ITIH5: variants seen among roughly 807,000 people sequenced by gnomAD.
The protein encoded by ITIH5 is inter-alpha-trypsin inhibitor heavy chain 5, also known as inter-alpha-trypsin inhibitor heavy chain H5.
A neutral mutation model predicts 77.5 loss-of-function variants in ITIH5; 65 were observed. That is an observed-to-expected ratio of 0.84 (90% confidence interval 0.69 to 1.03). The LOEUF (loss-of-function observed/expected upper bound fraction) is 1.03. Ranked by LOEUF, ITIH5 falls within the 50% of genes least tolerant of loss-of-function variation. The pLI is 0.00. For missense variants in ITIH5, 1,208 were observed against 1,213.1 expected, an observed-to-expected ratio of 1.00 and a Z score of 0.06; for synonymous variants, 525 against 494.3, an observed-to-expected ratio of 1.06 and a Z score of -0.82.
chr10:7,615,933 C>A, intron 7 of ITIH5, 49 bp downstream of exon 7: 1 of 1,158,274 alleles, frequency 8.6e-7, no homozygotes, highest in Non-Finnish European at 1.3e-6. Flanking sequence ...AAGTCATTGT[C>A]CCAGGCAAAA....
chr10:7,594,669 AAG>A lies in ITIH5; in HGVS notation c.940-8602_940-8601del, dbSNP rs758865954. 3.3e-5 allele frequency among the ~76,000 whole-genome samples: 5 copies of A among 152,332 alleles called. No individual in the cohort carries two copies. The East Asian group carries it at 9.7e-4, about 29-fold the overall frequency. ...CACTCTTGCTCTTTGGGGCCATAAGAAGAGTTTTCAACTCATTGTCTTTATAC... is the reference window on the plus strand; with the variant it reads ...CACTCTTGCTCTTTGGGGCCATAAGAAGTTTTCAACTCATTGTCTTTATAC... On this transcript the variant is annotated intron_variant, in intron 7 of 13. Coordinates refer to ENST00000397146, the MANE Select transcript of ITIH5 (RefSeq NM_030569.7).
rs1315882856 is a variant in ITIH5 at position 7,641,960 on chromosome 10, A to C, written c.266T>G (p.Ile89Ser). The C allele has an allele frequency of 6.2e-7, 1 of 1,614,058 alleles. No homozygotes were observed. The highest frequency in any genetic ancestry group is 1.3e-5 in the African/African-American group (1 of 74,934). The change falls in exon 3 of 14, where the codon ATT (isoleucine) becomes AGT (serine). Residue 89 changes from isoleucine to serine, a missense_variant. Ile to Ser is a moderately radical substitution (Grantham distance 142). Coordinates refer to ENST00000397146, the MANE Select transcript of ITIH5 (RefSeq NM_030569.7). ...EDQDIEFQMQ[I>S]PAAAFITNFT... ...GTTGGTGATGAAAGCTGCAGCTGGA[A>C]TCTGCATCTGGAACTCAATGTCCTG...
At chr10:7,645,731 A>T (rs1834000157) in intron 2 of ITIH5, among the ~76,000 whole-genome samples, 2 of 152,174 alleles carry the variant, frequency 1.3e-5, no homozygotes, top group Non-Finnish European at 2.9e-5. Context: ...TCTCTTCAGG[A>T]CAAAATCTGT....
chr10:7,609,558 C>T (rs747323752), intron 7 of ITIH5: 33 of 439,000 alleles, frequency 7.5e-5, no homozygotes, highest in Non-Finnish European at 1.4e-4. Context: ...TCCTCCTACT[C>T]GTTAATTCAC....
rs1372983176 is a variant in ITIH5, at chr10:7,582,151, G to T, written c.1109-2087C>A. On this transcript the variant is annotated intron_variant, in intron 8 of 13. Coordinates refer to ENST00000397146, the MANE Select transcript of ITIH5 (RefSeq NM_030569.7). ...CGGCCTCCAAAGTGCTGGGATTACTGGCAGGGGCCACAGCACCTGGCCCCA... is the reference window on the plus strand; with the variant it reads ...CGGCCTCCAAAGTGCTGGGATTACTTGCAGGGGCCACAGCACCTGGCCCCA... 6.6e-5 allele frequency among the ~76,000 whole-genome samples: 10 copies of T among 152,216 alleles called. No homozygotes were observed. The East Asian group carries it at 1.9e-3, about 29-fold the overall frequency.
chr10:7,623,491 T>C (rs1224206725), intron 5 of ITIH5, among the ~76,000 whole-genome samples: 1 of 152,146 alleles, frequency 6.6e-6, no homozygotes, highest in Non-Finnish European at 1.5e-5. Context: ...GCAATGACGA[T>C]GAGAAGGAAT....
chr10:7,633,388 ATAAAG>A (rs5782991), intron 5 of ITIH5, among the ~76,000 whole-genome samples: 31,665 of 151,986 alleles, frequency 0.21, 4,401 homozygotes, highest in African/African-American at 0.4. Context: ...CTGATATATC[ATAAAG>A]TAAACTGAGG....
intron 2 of ITIH5, among the ~76,000 whole-genome samples, chr10:7,644,818 T>TCATATATATCA (rs71515480): frequency 1.9e-5 from 2 of 106,266 alleles, no homozygotes; most frequent in African/African-American, 8.2e-5. Context: ...CACATATATA[T>TCATATATATCA]CATATATATC....
At chr10:7,626,937 G>T (rs192086498) in intron 5 of ITIH5, among the ~76,000 whole-genome samples, 2 of 152,264 alleles carry the variant, frequency 1.3e-5, no homozygotes, top group African/African-American at 4.8e-5. Context: ...ACCAACGTAA[G>T]CCAAGAAAGT....
intron 7 of ITIH5, among the ~76,000 whole-genome samples, chr10:7,604,017 A>C (rs554001702): frequency 1.3e-5 from 2 of 152,274 alleles, no homozygotes; most frequent in African/African-American, 4.8e-5. Flanking sequence ...CCTGCAGCAT[A>C]AGTTGGTGCC....
At chr10:7,581,957 C>A (rs982083814) in intron 8 of ITIH5, among the ~76,000 whole-genome samples, 1 of 149,488 alleles carries the variant, frequency 6.7e-6, no homozygotes, top group Non-Finnish European at 1.5e-5. Context: ...CTCACTGCAA[C>A]CTCTGCCTCC....
intron 7 of ITIH5, among the ~76,000 whole-genome samples, chr10:7,586,835 C>A (rs1018963722): frequency 6.8e-5 from 9 of 131,854 alleles, no homozygotes; most frequent in Admixed American, 2.3e-4. Flanking sequence ...GGGCATTCTT[C>A]TTATTTTTTT....
intron 7 of ITIH5, among the ~76,000 whole-genome samples, chr10:7,601,220 T>C (rs964408975): frequency 6.6e-6 from 1 of 152,124 alleles, no homozygotes; most frequent in Non-Finnish European, 1.5e-5. Context: ...TAAGCAAAAG[T>C]GGGAGATTTC....
intron 7 of ITIH5, among the ~76,000 whole-genome samples, chr10:7,613,176 G>A (rs1833286971): frequency 6.6e-6 from 1 of 151,376 alleles, no homozygotes; most frequent in South Asian, 2.1e-4. Flanking sequence ...AACCCAGGAG[G>A]CAGAGGCTGC....
Position 7,566,111 on chromosome 10 carries a change from G to C in ITIH5, c.2446C>G (p.Pro816Ala), listed in dbSNP as rs748280213. The part of the protein sequence containing the change: ...FVILIHLYKK[P>A]APFQRHHLGF... ...AGGTGGTGTCGCTGGAAGGGCGCCGGCTTTTTGTAGAGGTGGATGAGGATG... is the reference window on the plus strand; with the variant it reads ...AGGTGGTGTCGCTGGAAGGGCGCCGCCTTTTTGTAGAGGTGGATGAGGATG... Residue 816 changes from proline (P) to alanine (A), a missense_variant, in exon 13 of 14, where the codon CCG (proline) becomes GCG (alanine). Physicochemically the swap from Pro to Ala is conservative, Grantham distance 27. Coordinates refer to ENST00000397146, the MANE Select transcript of ITIH5 (RefSeq NM_030569.7). 6.2e-7 allele frequency: 1 copy of C among 1,614,086 alleles called. No homozygotes were observed. The highest frequency in any genetic ancestry group is 1.1e-5 in the South Asian group (1 of 91,072).
At chr10:7,614,873 C>T (rs1287777594) in intron 7 of ITIH5, among the ~76,000 whole-genome samples, 6 of 152,150 alleles carry the variant, frequency 3.9e-5, no homozygotes, top group Admixed American at 1.3e-4. Flanking sequence ...TGGAGGTGGA[C>T]GCAGGTTGGA....
At chr10:7,664,563 C>G (rs138046865) in intron 1 of ITIH5, among the ~76,000 whole-genome samples, 25 of 152,200 alleles carry the variant, frequency 1.6e-4, no homozygotes, top group African/African-American at 6.0e-4. Context: ...GGGTGAAAAC[C>G]ACTGCTTTTA....
chr10:7,655,288 G>A (rs1484377224), intron 2 of ITIH5, among the ~76,000 whole-genome samples: 1 of 151,938 alleles, frequency 6.6e-6, no homozygotes, highest in African/African-American at 2.4e-5. Flanking sequence ...TCAATTCTTT[G>A]GTTGCTTTAG....
intron 5 of ITIH5, among the ~76,000 whole-genome samples, chr10:7,628,387 CA>C (rs1411378351): frequency 6.6e-6 from 1 of 152,212 alleles, no homozygotes; most frequent in Non-Finnish European, 1.5e-5. Flanking sequence ...GTGACCTTTT[CA>C]GTCTGGCTTC....
Sources: allele counts gnomAD v4.1 joint callset (sites outside exome capture counted in the v4.1 genomes callset), GRCh38; gene constraint gnomAD v4.1.1; transcripts MANE v1.5; gene names NCBI Gene and HGNC (gene_info 2026-07-23, HGNC 2026-07-21).